AFF3: variants seen among roughly 807,000 people sequenced by gnomAD.
AFF3 encodes the protein AF4/FMR2 family member 3.
Under a neutral mutation model 129.7 loss-of-function variants are expected in AFF3, and 32 were observed. That is an observed-to-expected ratio of 0.25 (90% CI 0.19 to 0.33). AFF3 has a LOEUF of 0.33. Among genes scored for constraint, AFF3 ranks in the 10% least tolerant of loss-of-function variants. The pLI is 1.00. For missense variants in AFF3, 1,373 were observed against 1,592.0 expected (o/e 0.86, Z 2.34); for synonymous variants, 644 against 635.4 (o/e 1.01, Z -0.20).
chr2:99,815,348 G>A (rs2105625671), intron 8 of AFF3, among the ~76,000 whole-genome samples: 1 of 152,284 alleles, frequency 6.6e-6, no homozygotes, highest in African/African-American at 2.4e-5. Flanking sequence ...CCATCCATCT[G>A]TAGAACTTCT....
chr2:99,689,477 T>C (rs758438508), intron 11 of AFF3, among the ~76,000 whole-genome samples: 14 of 152,026 alleles, frequency 9.2e-5, no homozygotes, highest in Non-Finnish European at 1.9e-4. Context: ...AGTGACCTTA[T>C]TGAATTACCC....
intron 4 of AFF3, among the ~76,000 whole-genome samples, chr2:100,014,212 A>G (rs527821301): frequency 2.0e-5 from 3 of 152,136 alleles, no homozygotes; most frequent in African/African-American, 7.2e-5. Flanking sequence ...CCTTGACTAG[A>G]ATCATCAAAA....
rs780306052 is a variant in AFF3 at position 99,593,459 on chromosome 2, G to A, written c.2202C>T (p.Ile734=). 2 of 1,613,778 alleles carry A rather than the reference G, an allele frequency of 1.2e-6. No individual in the cohort carries two copies. The highest frequency in any genetic ancestry group is 1.7e-5 in the Admixed American group (1 of 59,990). Reference sequence around the variant, plus strand: ...AGAACTGCTCCTCCAGCTCCTTGGCGATGTCACTGGTGGTCCTGGCGTTGA... The same window carrying A: ...AGAACTGCTCCTCCAGCTCCTTGGCAATGTCACTGGTGGTCCTGGCGTTGA... ...GSINARTTSD[I]AKELEEQFYT... is the part of the protein sequence containing the mutation. The change falls in exon 15 of 25, where the codon ATC becomes ATT. Residue 734 remains isoleucine (I), a synonymous_variant. Coordinates refer to ENST00000672756, the MANE Select transcript of AFF3 (RefSeq NM_001386135.1).
chr2:100,092,184 C>T (rs1174623061), intron 4 of AFF3, among the ~76,000 whole-genome samples: 1 of 152,110 alleles, frequency 6.6e-6, no homozygotes, highest in Non-Finnish European at 1.5e-5. Flanking sequence ...ACATTTAAAT[C>T]CAAAGGGTTC....
chr2:99,854,710 C>T (rs975690065), intron 7 of AFF3, among the ~76,000 whole-genome samples: 2 of 152,012 alleles, frequency 1.3e-5, no homozygotes, highest in Admixed American at 1.3e-4. Flanking sequence ...TAGAGCTTGG[C>T]CTCTTTTCCA....
chr2:99,819,542 A>C (rs905203434), intron 8 of AFF3, among the ~76,000 whole-genome samples: 2 of 152,374 alleles, frequency 1.3e-5, no homozygotes, highest in African/African-American at 4.8e-5. Flanking sequence ...GTTTACCTCC[A>C]CAACCACATT....
intron 8 of AFF3, among the ~76,000 whole-genome samples, chr2:99,794,613 A>G (rs1685433860): frequency 6.6e-6 from 1 of 152,142 alleles, no homozygotes; most frequent in African/African-American, 2.4e-5. Flanking sequence ...GGGGTCCCCT[A>G]TGTAGATTTC....
chr2:100,030,245 T>C, intron 4 of AFF3, among the ~76,000 whole-genome samples: 1 of 152,180 alleles, frequency 6.6e-6, no homozygotes, highest in Non-Finnish European at 1.5e-5. Flanking sequence ...CCTCACTAGC[T>C]ATCAGTAGCA....
intron 4 of AFF3, among the ~76,000 whole-genome samples, chr2:100,020,785 T>G (rs555020739): frequency 6.6e-6 from 1 of 152,290 alleles, no homozygotes; most frequent in African/African-American, 2.4e-5. Context: ...TGGGCTCCCT[T>G]CCAGCCCCCT....
chr2:100,070,058 C>G (rs905544208), intron 4 of AFF3, among the ~76,000 whole-genome samples: 4 of 152,114 alleles, frequency 2.6e-5, no homozygotes, highest in African/African-American at 9.7e-5. Context: ...TGTGAAGTTG[C>G]TTCTACACAT....
At chr2:99,603,389 C>T (rs1195334861) in intron 13 of AFF3, among the ~76,000 whole-genome samples, 1 of 152,122 alleles carries the variant, frequency 6.6e-6, no homozygotes, top group Non-Finnish European at 1.5e-5. Flanking sequence ...GAAAGGATTC[C>T]CTATTTAATA....
chr2:99,741,419 C>T lies in AFF3; in HGVS notation c.1039+2685G>A, dbSNP rs376017583. On this transcript the variant is annotated intron_variant, in intron 10 of 24. Transcript: ENST00000672756. ...CAAAAATCACAAGCATTCTTATACA[C>T]CAACAACAGACAAACAGAGAGCCAA... Among the ~76,000 whole-genome samples the T allele has an allele frequency of 4.1e-4, 62 of 152,210 alleles. 1 individual carries two copies. The East Asian group carries it at 0.012, about 28-fold the overall frequency.
intron 7 of AFF3, among the ~76,000 whole-genome samples, chr2:99,956,894 G>T (rs908731970): frequency 1.3e-5 from 2 of 152,172 alleles, no homozygotes; most frequent in Non-Finnish European, 2.9e-5. Flanking sequence ...TGAGTTCTAT[G>T]CCATAAGAAT....
At chr2:99,633,981 C>G (rs1683377884) in intron 13 of AFF3, among the ~76,000 whole-genome samples, 1 of 131,840 alleles carries the variant, frequency 7.6e-6, no homozygotes, top group African/African-American at 2.9e-5. Flanking sequence ...GTGGCATGAT[C>G]TCAGCTCGCT....
chr2:99,947,023 T>G (rs1675635596), intron 7 of AFF3, among the ~76,000 whole-genome samples: 1 of 152,236 alleles, frequency 6.6e-6, no homozygotes, highest in South Asian at 2.1e-4. Flanking sequence ...ATTATTTGAT[T>G]CGGTCGTTCA....
intron 21 of AFF3, 130 bp from the exon 22 acceptor site, chr2:99,559,098 A>G (rs750580907): frequency 2.1e-5 from 15 of 719,174 alleles, no homozygotes; most frequent in Non-Finnish European, 3.1e-5. Context: ...AAATCTTTCT[A>G]TACGTGCATA....
At chr2:99,925,408 A>G (rs2106268545) in intron 7 of AFF3, among the ~76,000 whole-genome samples, 1 of 152,320 alleles carries the variant, frequency 6.6e-6, no homozygotes, top group African/African-American at 2.4e-5. Context: ...AATGATTCTC[A>G]TCATCACAGA....
At chr2:99,778,904 G>GCA (rs1684169602) in intron 8 of AFF3, among the ~76,000 whole-genome samples, 1 of 8,676 alleles carries the variant, frequency 1.2e-4, no homozygotes, top group African/African-American at 7.0e-4. Context: ...GCGCGTGTGT[G>GCA]TGTGTGTGTG....
chr2:100,012,680 T>C (rs896982128), intron 4 of AFF3, among the ~76,000 whole-genome samples: 1 of 152,176 alleles, frequency 6.6e-6, no homozygotes, highest in Non-Finnish European at 1.5e-5. Flanking sequence ...CCCCTGCCAT[T>C]TGAGCAATGT....
Sources: allele counts gnomAD v4.1 joint callset (sites outside exome capture counted in the v4.1 genomes callset), GRCh38; gene constraint gnomAD v4.1.1; transcripts MANE v1.5; gene names NCBI Gene and HGNC (gene_info 2026-07-23, HGNC 2026-07-21).